KIF1B: variants seen among roughly 807,000 people sequenced by gnomAD.
KIF1B encodes the protein kinesin family member 1B, also known as kinesin-like protein KIF1B.
In KIF1B, 76 loss-of-function variants were observed where a neutral mutation model predicts 241.9. That is an observed-to-expected ratio of 0.31 (90% CI 0.26 to 0.38). KIF1B has a LOEUF of 0.38. Ranked by LOEUF, KIF1B falls within the 10% of genes least tolerant of loss-of-function variation. The pLI is 1.00. For missense variants in KIF1B, 1,622 were observed against 2,271.4 expected (o/e 0.71, Z 5.81); for synonymous variants, 750 against 796.7 (o/e 0.94, Z 0.99).
intron 18 of KIF1B, 139 bp downstream of exon 18, chr1:10,295,304 C>T (rs1650207583): frequency 1.5e-6 from 1 of 689,118 alleles, no homozygotes; most frequent in Non-Finnish European, 2.6e-6. Flanking sequence ...ACTATGCTCT[C>T]TTTCCAAATA....
intron 2 of KIF1B, among the ~76,000 whole-genome samples, chr1:10,241,502 T>C (rs1647136394): frequency 6.6e-6 from 1 of 152,204 alleles, no homozygotes; most frequent in African/African-American, 2.4e-5. Context: ...TTTGCTATTG[T>C]GTATTCGGAG....
intron 15 of KIF1B, among the ~76,000 whole-genome samples, chr1:10,284,614 G>A (rs566036405): frequency 4.6e-5 from 7 of 152,270 alleles, no homozygotes; most frequent in Non-Finnish European, 5.9e-5. Flanking sequence ...GAACTTGGGA[G>A]GCGGAGGTTG....
intron 1 of KIF1B, chr1:10,230,933 G>T (rs1412822930): frequency 2.0e-5 from 3 of 152,180 alleles, no homozygotes; most frequent in African/African-American, 7.2e-5. Context: ...AAGGAAATTG[G>T]CCAGGCGCAG....
intron 2 of KIF1B, among the ~76,000 whole-genome samples, chr1:10,254,870 C>G (rs1218570516): frequency 2.0e-5 from 2 of 98,516 alleles, no homozygotes; most frequent in Non-Finnish European, 3.7e-5. Flanking sequence ...GAGGGAGACT[C>G]TGTCTCAAAA....
Position 10,352,745 on chromosome 1 carries a change from C to G in KIF1B, c.4055+9C>G, listed in dbSNP as rs1652843079. ...TCCCACAACTCTAGCAGGTGGGACA[C>G]CCAGAGCAGTGTGAAGAAGTCCACA... On this transcript the variant is annotated intron_variant, in intron 38 of 48. Transcript: ENST00000676179. 6 of 1,596,632 alleles carry G rather than the reference C, an allele frequency of 3.8e-6. No homozygotes were observed. The highest frequency in any genetic ancestry group is 5.2e-6 in the Non-Finnish European group (6 of 1,164,346).
At chr1:10,327,459 C>G (rs1301065085) in intron 27 of KIF1B, among the ~76,000 whole-genome samples, 2 of 143,470 alleles carry the variant, frequency 1.4e-5, no homozygotes, top group Non-Finnish European at 3.0e-5. Context: ...CAAGATTGCA[C>G]AACTGCACTC....
At position 10,326,131 on chromosome 1, in the gene KIF1B, G is replaced by A. The variant is rs1188099847; in HGVS notation, c.2696G>A (p.Cys899Tyr). ...TCTAGCTCCCCCATTTTCCACGGCT[G>A]TGTGAACGAGCGCCTTGCCGACCGC... ...LVGSSPIFHG[C>Y]VNERLADRTP... Residue 899 changes from cysteine to tyrosine, a missense_variant, in exon 27 of 49, where the codon TGT becomes TAT. Physicochemically the swap from Cys to Tyr is radical, Grantham distance 194 (BLOSUM62 -2). Transcript: ENST00000676179. This position sits in a 1 kb window ranked among gnomAD's most constrained non-coding sequence, Gnocchi z 5.2. 15 of 1,613,990 alleles carry A rather than the reference G, an allele frequency of 9.3e-6. No homozygotes were observed. The Admixed American group carries it at 2.5e-4, about 27-fold the overall frequency.
intron 2 of KIF1B, among the ~76,000 whole-genome samples, chr1:10,234,678 T>C (rs1438640417): frequency 6.6e-6 from 1 of 151,884 alleles, no homozygotes; most frequent in Non-Finnish European, 1.5e-5. Context: ...TGTGCCACTA[T>C]GCCTGGCTAG....
intron 7 of KIF1B, 132 bp downstream of exon 7, chr1:10,268,395 A>G (rs1055012189): frequency 1.4e-6 from 1 of 707,942 alleles, no homozygotes; most frequent in South Asian, 1.5e-5. Context: ...AGGGTGTTTT[A>G]TACCTCTGCT....
At chr1:10,368,342 A>G (rs942641304) in intron 43 of KIF1B, 125 bp from the exon 44 acceptor site, 7 of 747,124 alleles carry the variant, frequency 9.4e-6, no homozygotes, top group Admixed American at 1.9e-5. Context: ...GGGAGAGGAG[A>G]TGTGGAGCTT....
intron 43 of KIF1B, among the ~76,000 whole-genome samples, chr1:10,366,834 G>T (rs889065893): frequency 6.6e-6 from 1 of 151,938 alleles, no homozygotes; most frequent in Non-Finnish European, 1.5e-5. Context: ...AGCCGAACGT[G>T]GTGGCGTGCG....
rs577563182 is a variant in KIF1B, at chr1:10,270,912, C to T, written c.721-590C>T. 2.3e-3 allele frequency among the ~76,000 whole-genome samples: 328 copies of T among 140,524 alleles called. 1 individual carries two copies. Among genetic ancestry groups the T allele is most frequent in the African/African-American group, 8.4e-3 (314 of 37,516 alleles). The allele number at this position is 140,524 out of a possible 152,430, so 92.2% of individuals were successfully genotyped here. Reference sequence around the variant, plus strand: ...TTGCATTCCAGCCTGGGTGACAGAGCGAGACTCTGTCTCAAAAAAAAAAAA... The same window carrying T: ...TTGCATTCCAGCCTGGGTGACAGAGTGAGACTCTGTCTCAAAAAAAAAAAA... On this transcript the variant is annotated intron_variant, in intron 7 of 48. Coordinates refer to ENST00000676179, the MANE Select transcript of KIF1B (RefSeq NM_001365951.3).
At position 10,297,289 on chromosome 1, in the gene KIF1B, T is replaced by C. The variant is rs549742501; in HGVS notation, c.2115+43T>C. Reference sequence around the variant, plus strand: ...GCTAAACTGTTGGGAAAAGGGCAGCTTGTTCCCATACTTTCCCTGTTCCAC... The same window carrying C: ...GCTAAACTGTTGGGAAAAGGGCAGCCTGTTCCCATACTTTCCCTGTTCCAC... On this transcript the variant is annotated intron_variant, in intron 22 of 48. Coordinates refer to ENST00000676179, the MANE Select transcript of KIF1B (RefSeq NM_001365951.3). The C allele has an allele frequency of 2.6e-6, 4 of 1,544,288 alleles. No individual in the cohort carries two copies. The South Asian group carries it at 4.5e-5, about 17-fold the overall frequency.
intron 5 of KIF1B, among the ~76,000 whole-genome samples, chr1:10,263,812 T>C (rs1045732714): frequency 3.3e-5 from 5 of 152,190 alleles, no homozygotes; most frequent in Admixed American, 2.0e-4. Flanking sequence ...GAGCATAGAT[T>C]CCTAGTTGAC....
intron 22 of KIF1B, among the ~76,000 whole-genome samples, chr1:10,310,364 G>A (rs551087652): frequency 2.8e-4 from 43 of 151,618 alleles, no homozygotes; most frequent in Non-Finnish European, 5.1e-4. Context: ...TTGATAACCA[G>A]TGATCTGGAA....
At chr1:10,306,850 T>G (rs1650856602) in intron 22 of KIF1B, 1 of 1,041,558 alleles carries the variant, frequency 9.6e-7, no homozygotes, top group Non-Finnish European at 1.2e-6. Flanking sequence ...TTTCCCTAAC[T>G]TGAGATAACA....
At chr1:10,313,497 C>T (rs1227136668) in intron 22 of KIF1B, among the ~76,000 whole-genome samples, 1 of 150,384 alleles carries the variant, frequency 6.6e-6, no homozygotes, top group Non-Finnish European at 1.5e-5. Context: ...GTAGAGAGAA[C>T]AGCCAGTGCT....
chr1:10,375,946 G>A lies in KIF1B; in HGVS notation c.5408+573G>A, dbSNP rs576884986. Among the ~76,000 whole-genome samples the A allele has an allele frequency of 3.4e-4, 51 of 150,782 alleles. No homozygotes were observed. The East Asian group carries it at 9.6e-3, about 28-fold the overall frequency. ...TGAGTAGCTAGGATTACAGGTGCCC[G>A]CCACCACACCCAGCTAATTTTTTTT... On this transcript the variant is annotated intron_variant, in intron 48 of 48. Coordinates refer to ENST00000676179, the MANE Select transcript of KIF1B (RefSeq NM_001365951.3).
At chr1:10,359,161 G>T (rs903413421) in intron 38 of KIF1B, among the ~76,000 whole-genome samples, 3 of 152,200 alleles carry the variant, frequency 2.0e-5, no homozygotes, top group African/African-American at 7.2e-5. Flanking sequence ...CGTTTCTGGA[G>T]GAAGAAACAT....
Sources: gnomAD v4.1 joint callset for allele counts (sites outside exome capture counted in the v4.1 genomes callset) on GRCh38, gnomAD v4.1.1 for gene constraint, Gnocchi (gnomAD v3.1) non-coding constraint, MANE v1.5 for transcripts, NCBI Gene and HGNC (gene_info 2026-07-23, HGNC 2026-07-21) for gene names.